Variants in OGDHL observed in about 807,000 individuals in gnomAD.
The protein encoded by OGDHL is 2-oxoglutarate dehydrogenase-like, mitochondrial.
Under a neutral mutation model 109.6 loss-of-function variants are expected in OGDHL, and 79 were observed. The observed-to-expected ratio is 0.72, with a 90% confidence interval of 0.60 to 0.87. OGDHL has a LOEUF of 0.87. OGDHL is among the 40% of genes least tolerant of loss of function. The pLI is 0.00. For synonymous variants in OGDHL, 528 were observed against 537.2 expected (o/e 0.98, Z 0.24); for missense variants, 1,275 against 1,362.2 (o/e 0.94, Z 1.01).
rs756992836 is a variant in OGDHL, at chr10:49,758,561, A to G, written c.32T>C (p.Leu11Pro). MSQLRLLPSRLGVQAARLLAA... is the reference protein window; with the variant it reads MSQLRLLPSRPGVQAARLLAA... ...CAGGAGCCTCGCAGCCTGTACCCCA[A>G]GACGGGACGGCAGCAGCCTCAGCTG... The change falls in exon 2 of 23, where the codon CTT becomes CCT. Residue 11 changes from leucine (L) to proline (P), a missense_variant. Transcript: ENST00000374103. 1.2e-6 allele frequency: 2 copies of G among 1,613,920 alleles called. No homozygotes were observed. The highest frequency in any genetic ancestry group is 1.7e-6 in the Non-Finnish European group (2 of 1,180,008).
At chr10:49,755,184 C>T (rs1842845900) in intron 3 of OGDHL, among the ~76,000 whole-genome samples, 1 of 152,168 alleles carries the variant, frequency 6.6e-6, no homozygotes, top group African/African-American at 2.4e-5. Flanking sequence ...GCAGAGGTTA[C>T]AGTGAGTCGA....
intron 8 of OGDHL, among the ~76,000 whole-genome samples, chr10:49,747,787 A>C (rs1023568399): frequency 4.6e-5 from 7 of 152,224 alleles, no homozygotes; most frequent in Admixed American, 2.0e-4. Context: ...ATGCAGGCAA[A>C]GGGCAAATTC....
At chr10:49,751,124 G>A (rs1244208114) in intron 6 of OGDHL, 139 bp from the exon 7 acceptor site, 1 of 788,722 alleles carries the variant, frequency 1.3e-6, no homozygotes, top group Non-Finnish European at 2.0e-6. Context: ...CCACCTACAT[G>A]GTCCAGGGCC....
chr10:49,742,710 C>T (rs1841872246), intron 15 of OGDHL, 118 bp downstream of exon 15: 1 of 1,322,140 alleles, frequency 7.6e-7, no homozygotes, highest in Non-Finnish European at 1.0e-6. Flanking sequence ...CACCTGAGGG[C>T]AGGGGCTAGG....
Position 49,745,488 on chromosome 10 carries a change from G to T in OGDHL, c.1485C>A (p.Tyr495Ter), listed in dbSNP as rs200888296. ...NKDVVVDLVCYRRRGHNEMDE... is the reference protein window; with the variant it reads ...NKDVVVDLVC ...CCATCTCATTGTGGCCACGCCGGCG[G>T]TAACAGACCTGCAGGAGCAGCCAGA... Residue 495 changes from tyrosine (Y) to a stop codon, truncating the protein, a stop_gained, in exon 12 of 23, where the codon TAC (tyrosine) becomes TAA (stop). Transcript: ENST00000374103. LOFTEE classifies it high-confidence loss of function. The T allele has an allele frequency of 6.2e-7, 1 of 1,613,878 alleles. No individual in the cohort carries two copies. The highest frequency in any genetic ancestry group is 1.7e-5 in the Admixed American group (1 of 60,018).
At chr10:49,748,819 C>T (rs1340931706) in intron 8 of OGDHL, among the ~76,000 whole-genome samples, 1 of 150,830 alleles carries the variant, frequency 6.6e-6, no homozygotes, top group Non-Finnish European at 1.5e-5. Context: ...AGAGATAGTC[C>T]TGAGGGCAAA....
rs1193360428 is a variant in OGDHL, at chr10:49,736,497, G to T, written c.2614C>A (p.Pro872Thr). ...GCCCGTGCTGCGGCCCCATCTTCAGGAATCACCCGCTGGAAGCTGGTCCCT... is the reference window on the plus strand; with the variant it reads ...GCCCGTGCTGCGGCCCCATCTTCAGTAATCACCCGCTGGAAGCTGGTCCCT... ...VSGTSFQRVI[P>T]EDGAAARAPE... The change falls in exon 21 of 23, where the codon CCT (proline) becomes ACT (threonine). Residue 872 changes from proline to threonine, a missense_variant. Coordinates refer to ENST00000374103, the MANE Select transcript of OGDHL (RefSeq NM_018245.3). 3 of 1,613,528 alleles carry T rather than the reference G, an allele frequency of 1.9e-6. No individual in the cohort carries two copies. The highest frequency in any genetic ancestry group is 1.7e-6 in the Non-Finnish European group (2 of 1,179,986).
intron 3 of OGDHL, among the ~76,000 whole-genome samples, chr10:49,755,072 C>T (rs575016383): frequency 2.6e-5 from 4 of 152,076 alleles, no homozygotes; most frequent in South Asian, 4.2e-4. Flanking sequence ...GGTGAAACCC[C>T]GTCTCCACTG....
intron 7 of OGDHL, among the ~76,000 whole-genome samples, chr10:49,750,340 G>A (rs1366908712): frequency 6.6e-6 from 1 of 152,160 alleles, no homozygotes; most frequent in Non-Finnish European, 1.5e-5. Context: ...CAGCTCAGAG[G>A]TAACGCCCCA....
chr10:49,761,741 C>CCTCAGGCCATGCCGCCCTCT (rs1413509823), intron 1 of OGDHL, among the ~76,000 whole-genome samples: 4 of 152,222 alleles, frequency 2.6e-5, no homozygotes, highest in African/African-American at 9.6e-5. Context: ...CAAGCAGCGA[C>CCTCAGGCCATGCCGCCCTCT]CTCAGGCCAT....
At chr10:49,756,738 A>G in intron 3 of OGDHL, 38 bp downstream of exon 3, 1 of 1,582,312 alleles carries the variant, frequency 6.3e-7, no homozygotes, top group East Asian at 2.3e-5. Flanking sequence ...CCCAGGAGCC[A>G]GTGCAGCCTC....
rs141981002 is a variant in OGDHL, at chr10:49,750,683, G to A, written c.896+156C>T. On this transcript the variant is annotated intron_variant, in intron 7 of 22. Transcript: ENST00000374103. ...CCAAGTACCCGGCAATTTCTGTGAC[G>A]AGCAGGCCAGGCCCAGGACTCAGAA... 6.6e-3 allele frequency among the ~76,000 whole-genome samples: 1,001 copies of A among 152,270 alleles called. 8 individuals are homozygous for A. Among genetic ancestry groups the A allele is most frequent in the African/African-American group, 0.023 (935 of 41,548 alleles).
rs567940145 is a variant in OGDHL at position 49,752,026 on chromosome 10, C to T, written c.595-45G>A. 46 of 1,612,010 alleles carry T rather than the reference C, an allele frequency of 2.9e-5. No homozygotes were observed. The South Asian group carries it at 3.0e-4, about 10-fold the overall frequency. ...CCCCATGAGGAGCGGGGAAGAGGGA[C>T]GGCTGACATCCCTGCTGTCTAGAAC... On this transcript the variant is annotated intron_variant, in intron 5 of 22. Coordinates refer to ENST00000374103, the MANE Select transcript of OGDHL (RefSeq NM_018245.3).
Position 49,739,810 on chromosome 10 carries a change from G to A in OGDHL, c.2170C>T (p.Pro724Ser), listed in dbSNP as rs747338399. ...GFELGYAMAS[P>S]NALVLWEAQF... ...GCCTCCCAGAGGACCAGGGCATTGG[G>A]GCTGGCCATGGCATAGCCCAGCTCA... Residue 724 changes from proline to serine, a missense_variant, in exon 17 of 23, where the codon CCC (proline) becomes TCC (serine). Transcript: ENST00000374103. 1.4e-5 allele frequency: 22 copies of A among 1,613,916 alleles called. No homozygotes were observed. Among genetic ancestry groups the A allele is most frequent in the Non-Finnish European group, 1.2e-5 (14 of 1,179,932 alleles).
At chr10:49,760,934 T>C (rs1843235363) in intron 1 of OGDHL, among the ~76,000 whole-genome samples, 1 of 152,252 alleles carries the variant, frequency 6.6e-6, no homozygotes, top group Non-Finnish European at 1.5e-5. Context: ...GGACAAAGTC[T>C]GGCTGTGTCC....
At chr10:49,739,542 G>A (rs147467408) in intron 17 of OGDHL, 119 bp downstream of exon 17, 32 of 1,252,644 alleles carry the variant, frequency 2.6e-5, no homozygotes, top group African/African-American at 1.9e-4. Flanking sequence ...ACAGACCCAC[G>A]TGCTCCAGGG....
intron 17 of OGDHL, 94 bp downstream of exon 17, chr10:49,739,567 T>C: frequency 1.4e-6 from 2 of 1,473,466 alleles, no homozygotes; most frequent in Non-Finnish European, 1.8e-6. Flanking sequence ...GGAAGGCATA[T>C]ACCGTCCAAC....
chr10:49,746,248 C>T (rs868193381), intron 10 of OGDHL, among the ~76,000 whole-genome samples: 31 of 152,206 alleles, frequency 2.0e-4, no homozygotes, highest in Admixed American at 7.2e-4. Context: ...CCTGGAAAAT[C>T]CAGTCCTAAC....
rs554392787 is a variant in OGDHL at position 49,758,452 on chromosome 10, G to A, written c.141C>T (p.Gly47=). The A allele has an allele frequency of 4.2e-5, 67 of 1,613,872 alleles. No homozygotes were observed. The highest frequency in any genetic ancestry group is 3.5e-4 in the South Asian group (32 of 91,064). ...ACATCTCCTCCATGTAACTGGAGCC[G>A]CCTCCACCTTTGCTGCTTGGGAAGG... ...PATFPSSKGG[G]GSSYMEEMYF... Residue 47 remains glycine, a synonymous_variant, in exon 2 of 23, where the codon GGC becomes GGT. Coordinates refer to ENST00000374103, the MANE Select transcript of OGDHL (RefSeq NM_018245.3).
Sources: allele counts gnomAD v4.1 joint callset (sites outside exome capture counted in the v4.1 genomes callset), GRCh38; gene constraint gnomAD v4.1.1; transcripts MANE v1.5; gene names NCBI Gene and HGNC (gene_info 2026-07-23, HGNC 2026-07-21).